Variants in NAALADL2 observed in about 807,000 individuals in gnomAD.
NAALADL2 encodes inactive N-acetylated-alpha-linked acidic dipeptidase-like protein 2.
NAALADL2 carries 76 observed loss-of-function variants against 87.2 expected under a neutral mutation model. That is an observed-to-expected ratio of 0.87 (90% CI 0.72 to 1.05). The LOEUF (loss-of-function observed/expected upper bound fraction) is 1.05. Among genes scored for constraint, NAALADL2 ranks in the 50% least tolerant of loss-of-function variants. The pLI is 0.00. For missense variants in NAALADL2, 1,089 were observed against 945.8 expected, an observed-to-expected ratio of 1.15 and a Z score of -1.99; for synonymous variants, 354 against 331.0, an observed-to-expected ratio of 1.07 and a Z score of -0.75.
chr3:175,150,021 A>C (rs1192724180), intron 2 of NAALADL2, among the ~76,000 whole-genome samples: 1 of 152,164 alleles, frequency 6.6e-6, no homozygotes, highest in African/African-American at 2.4e-5. Flanking sequence ...TTACACAGTT[A>C]TTATCATGCT....
At chr3:174,476,117 G>T (rs1717196012) in intron 1 of NAALADL2, among the ~76,000 whole-genome samples, 1 of 151,888 alleles carries the variant, frequency 6.6e-6, no homozygotes. Flanking sequence ...AATAATCAGA[G>T]AATCAAATAT....
chr3:175,246,930 C>A (rs1289653314), intron 3 of NAALADL2, among the ~76,000 whole-genome samples: 1 of 152,176 alleles, frequency 6.6e-6, no homozygotes, highest in South Asian at 2.1e-4. Context: ...ATTGTTTTGC[C>A]TTTGCCAGCA....
At chr3:174,954,362 A>C (rs1295469191) in intron 1 of NAALADL2, among the ~76,000 whole-genome samples, 1 of 152,144 alleles carries the variant, frequency 6.6e-6, no homozygotes, top group Admixed American at 6.6e-5. Flanking sequence ...TTAAGTTATT[A>C]AATGAAAACT....
intron 5 of NAALADL2, among the ~76,000 whole-genome samples, chr3:175,355,189 C>A (rs944885647): frequency 4.6e-5 from 7 of 151,774 alleles, no homozygotes; most frequent in African/African-American, 1.7e-4. Flanking sequence ...CTGCCTCAAC[C>A]TCCCAAGCAG....
intron 3 of NAALADL2, among the ~76,000 whole-genome samples, chr3:174,773,460 C>A (rs539162565): frequency 6.6e-6 from 1 of 152,136 alleles, no homozygotes; most frequent in African/African-American, 2.4e-5. Flanking sequence ...AGATGATAGA[C>A]TCTCCATCCC....
intron 5 of NAALADL2, among the ~76,000 whole-genome samples, chr3:175,378,856 G>C (rs1767459403): frequency 6.6e-6 from 1 of 152,188 alleles, no homozygotes; most frequent in Admixed American, 6.5e-5. Flanking sequence ...TCATGGCTAA[G>C]AGTAGATAAA....
chr3:175,585,878 TGAG>T (rs1720473908), intron 10 of NAALADL2, among the ~76,000 whole-genome samples: 1 of 152,234 alleles, frequency 6.6e-6, no homozygotes, highest in South Asian at 2.1e-4. Context: ...TTTTGGAATA[TGAG>T]GAGATGAACA....
intron 5 of NAALADL2, among the ~76,000 whole-genome samples, chr3:175,371,904 A>G (rs1293705206): frequency 6.6e-6 from 1 of 152,154 alleles, no homozygotes; most frequent in Non-Finnish European, 1.5e-5. Context: ...CTTTAGGAAA[A>G]CTACATCCAC....
chr3:174,471,796 T>G (rs1292774157), intron 1 of NAALADL2, among the ~76,000 whole-genome samples: 1 of 152,130 alleles, frequency 6.6e-6, no homozygotes, highest in African/African-American at 2.4e-5. Context: ...AAATATGTAA[T>G]TCTTGGCATA....
intron 4 of NAALADL2, among the ~76,000 whole-genome samples, chr3:175,274,154 G>A (rs537227298): frequency 2.8e-4 from 43 of 152,250 alleles, no homozygotes; most frequent in African/African-American, 8.2e-4. Context: ...GGCAGATGGC[G>A]AAGGGGAAGC....
At chr3:174,963,356 C>A (rs1281190841) in intron 1 of NAALADL2, among the ~76,000 whole-genome samples, 1 of 151,950 alleles carries the variant, frequency 6.6e-6, no homozygotes, top group East Asian at 1.9e-4. Context: ...GAAATTGTAT[C>A]ATGGATATTG....
At chr3:175,740,582 A>C (rs1306659810) in intron 12 of NAALADL2, among the ~76,000 whole-genome samples, 1 of 152,230 alleles carries the variant, frequency 6.6e-6, no homozygotes, top group African/African-American at 2.4e-5. Flanking sequence ...TCTTGAGAAC[A>C]AAGGCATTTC....
chr3:175,427,345 T>C (rs577622363), intron 5 of NAALADL2, among the ~76,000 whole-genome samples: 14 of 152,220 alleles, frequency 9.2e-5, no homozygotes, highest in Middle Eastern at 3.4e-3. Context: ...ATTAAGCAGC[T>C]TAAATCCCTA....
At chr3:175,612,275 G>T (rs1176462063) in intron 10 of NAALADL2, among the ~76,000 whole-genome samples, 1 of 152,110 alleles carries the variant, frequency 6.6e-6, no homozygotes, top group African/African-American at 2.4e-5. Flanking sequence ...TTTCTAGAAT[G>T]GTGTCTGTCT....
intron 1 of NAALADL2, among the ~76,000 whole-genome samples, chr3:174,924,526 G>A (rs905452579): frequency 1.3e-5 from 2 of 152,052 alleles, no homozygotes; most frequent in African/African-American, 2.4e-5. Flanking sequence ...AAACATACAT[G>A]TGCATGTGTC....
intron 4 of NAALADL2, among the ~76,000 whole-genome samples, chr3:175,278,152 G>A (rs967509733): frequency 2.0e-4 from 31 of 151,980 alleles, no homozygotes; most frequent in Non-Finnish European, 4.6e-4. Context: ...ATAATTTAGT[G>A]CATTTGTGTG....
intron 1 of NAALADL2, among the ~76,000 whole-genome samples, chr3:174,506,207 G>T (rs1719196028): frequency 6.7e-6 from 1 of 149,636 alleles, no homozygotes; most frequent in South Asian, 2.1e-4. Flanking sequence ...TTGACACAGG[G>T]TCTCATTCTA....
chr3:175,130,153 A>G (rs1394533151), intron 2 of NAALADL2, among the ~76,000 whole-genome samples: 1 of 152,076 alleles, frequency 6.6e-6, no homozygotes, highest in Non-Finnish European at 1.5e-5. Context: ...TTAAAATCAC[A>G]TTGTTTGTTG....
chr3:175,034,936 A>C (rs1420162993), intron 1 of NAALADL2, among the ~76,000 whole-genome samples: 1 of 152,204 alleles, frequency 6.6e-6, no homozygotes, highest in Non-Finnish European at 1.5e-5. Context: ...TCATTAAAAT[A>C]TAACCTCATT....
Sources: gnomAD v4.1 joint callset for allele counts (sites outside exome capture counted in the v4.1 genomes callset) on GRCh38, gnomAD v4.1.1 for gene constraint, MANE v1.5 for transcripts, NCBI Gene and HGNC (gene_info 2026-07-23, HGNC 2026-07-21) for gene names.